Variants in ZNF782 observed in about 807,000 individuals in gnomAD.
The protein encoded by ZNF782 is zinc finger protein 782.
Under a neutral mutation model 13.0 loss-of-function variants are expected in ZNF782, and 12 were observed. The ratio of observed to expected loss-of-function variants is 0.92; its 90% CI spans 0.59 to 1.50. ZNF782 has a LOEUF of 1.50. Among genes scored for constraint, ZNF782 ranks in the 40% most tolerant of loss-of-function variants. The pLI, the probability that ZNF782 is intolerant of heterozygous loss-of-function variation, is 0.00. For missense variants in ZNF782, 770 were observed against 822.9 expected, an observed-to-expected ratio of 0.94 and a Z score of 0.79; for synonymous variants, 284 against 283.0, an observed-to-expected ratio of 1.00 and a Z score of -0.04.
intron 4 of ZNF782, among the ~76,000 whole-genome samples, chr9:96,830,306 C>T (rs922355652): frequency 6.8e-5 from 10 of 147,864 alleles, no homozygotes; most frequent in Non-Finnish European, 1.0e-4. Context: ...ACTGTTCCAC[C>T]AGGGTCATGT....
the ZNF782 span, chr9:96,928,640 G>C: frequency 3.1e-6 from 1 of 325,100 alleles, no homozygotes; most frequent in South Asian, 2.4e-5. Flanking sequence ...ATAAAGAATG[G>C]AAGTAAAGGG....
intron 4 of ZNF782, among the ~76,000 whole-genome samples, chr9:96,843,742 C>T (rs1053599226): frequency 2.6e-5 from 4 of 152,066 alleles, no homozygotes; most frequent in Admixed American, 2.0e-4. Flanking sequence ...AGTGAGGACA[C>T]AATTTTTGCT....
At chr9:96,857,160 T>C (rs1398794874), upstream of ZNF782, among the ~76,000 whole-genome samples, 2 of 152,224 alleles carry the variant, frequency 1.3e-5, no homozygotes, top group Non-Finnish European at 2.9e-5. Flanking sequence ...TGTCAGACAT[T>C]ACATGTGGTA....
chr9:96,819,955 T>A (rs558405951), intron 5 of ZNF782, among the ~76,000 whole-genome samples, 177 bp from the exon 6 acceptor site: 2 of 152,328 alleles, frequency 1.3e-5, no homozygotes, highest in East Asian at 1.9e-4. Context: ...AGCTTAAATT[T>A]TTTTTTGTAG....
chr9:96,895,006 G>C, the ZNF782 span: 1 of 152,200 alleles, frequency 6.6e-6, no homozygotes, highest in African/African-American at 2.4e-5. Flanking sequence ...TTATAGGTGT[G>C]AGCTACCACA....
At chr9:96,849,244 C>G (rs927381996) in intron 3 of ZNF782, among the ~76,000 whole-genome samples, 1 of 152,212 alleles carries the variant, frequency 6.6e-6, no homozygotes, top group African/African-American at 2.4e-5. Flanking sequence ...AAGAAGCACC[C>G]AATCTAGATC....
chr9:96,827,176 A>C lies in ZNF782; in HGVS notation c.148T>G (p.Cys50Gly). The C allele has an allele frequency of 6.2e-7, 1 of 1,607,010 alleles. No homozygotes were observed. Residue 50 changes from cysteine (C) to glycine (G), a missense_variant, in exon 5 of 6, where the codon TGC becomes GGC. Coordinates refer to ENST00000481138, the MANE Select transcript of ZNF782 (RefSeq NM_001001662.3). The part of the protein sequence containing the change: ...NYSHLVSVGY[C>G]FTKPELIFTL... ...AAGATCAGTTCTGGTTTTGTAAAGC[A>C]GTAGCCTATAAATGGGAAACAATTT...
the ZNF782 span, chr9:96,902,779 T>TTTATTATTATTATTA: frequency 3.4e-3 from 468 of 138,794 alleles, 7 homozygotes; most frequent in African/African-American, 0.011. Context: ...GTTCTATCAG[T>TTTATTATTATTATTA]TTATTATTAT....
chr9:96,864,159 C>G (rs1851733667), intron 1 of ZNF782, among the ~76,000 whole-genome samples: 1 of 148,902 alleles, frequency 6.7e-6, no homozygotes, highest in South Asian at 2.1e-4. Flanking sequence ...TTAATTCAAA[C>G]TGAGCAGCTC....
At chr9:96,873,069 A>G (rs1167637206) in intron 1 of ZNF782, among the ~76,000 whole-genome samples, 4 of 145,544 alleles carry the variant, frequency 2.7e-5, no homozygotes, top group African/African-American at 1.1e-4. Flanking sequence ...AATATATCAA[A>G]TCACTGTTAG....
In ZNF782 at chr9:96,818,107, G is replaced by C. The variant is rs1351276023; in HGVS notation, c.1916C>G (p.Thr639Ser). The C allele has an allele frequency of 2.5e-6, 4 of 1,613,684 alleles. No homozygotes were observed. The East Asian group carries it at 8.9e-5, about 36-fold the overall frequency. Residue 639 changes from threonine (T) to serine (S), a missense_variant, in exon 6 of 6, where the codon ACT (threonine) becomes AGT (serine). Physicochemically the swap from Thr to Ser is moderately conservative, Grantham distance 58. Coordinates refer to ENST00000481138, the MANE Select transcript of ZNF782 (RefSeq NM_001001662.3). ...ATTATATGGTTTCTCCCCGGTGTGA[G>C]TTCGCTGATGTTTTCTTAGGACTGA... Reference protein sequence around the residue: ...EKSVLRKHQRTHTGEKPYNCN... With the variant: ...EKSVLRKHQRSHTGEKPYNCN...
upstream of ZNF782, among the ~76,000 whole-genome samples, chr9:96,858,933 G>A (rs935888089): frequency 1.3e-5 from 2 of 152,136 alleles, no homozygotes; most frequent in African/African-American, 4.8e-5. This position sits in a 1 kb window ranked among gnomAD's most constrained non-coding sequence, Gnocchi z 4.4. Context: ...TGTTGTAGCA[G>A]AAAGCAAAAC....
rs769148300 is a variant in ZNF782, at chr9:96,818,878, A to G, written c.1145T>C (p.Ile382Thr). 6.2e-7 allele frequency: 1 copy of G among 1,614,190 alleles called. No individual in the cohort carries two copies. The highest frequency in any genetic ancestry group is 8.5e-7 in the Non-Finnish European group (1 of 1,180,032). Residue 382 changes from isoleucine to threonine, a missense_variant, in exon 6 of 6, where the codon ATT (isoleucine) becomes ACT (threonine). Physicochemically the swap from Ile to Thr is moderately conservative, Grantham distance 89 (BLOSUM62 -1). Coordinates refer to ENST00000481138, the MANE Select transcript of ZNF782 (RefSeq NM_001001662.3). ...CCCTGTGTGACTTTTCTGAGGCCAAATCAAGTGTGAATTCATAGAGCAGGA... is the reference window on the plus strand; with the variant it reads ...CCCTGTGTGACTTTTCTGAGGCCAAGTCAAGTGTGAATTCATAGAGCAGGA... ...GKSCSMNSHL[I>T]WPQKSHTGEK...
upstream of ZNF782, among the ~76,000 whole-genome samples, chr9:96,879,920 G>A (rs991604772): frequency 2.0e-5 from 3 of 152,052 alleles, no homozygotes; most frequent in African/African-American, 7.2e-5. Context: ...AGACAAACAT[G>A]CAATCTGTAA....
chr9:96,835,230 T>C (rs1850954658), intron 4 of ZNF782, among the ~76,000 whole-genome samples: 1 of 152,222 alleles, frequency 6.6e-6, no homozygotes, highest in Admixed American at 6.5e-5. Flanking sequence ...TAACAGCTTA[T>C]GCTGGAGTTA....
chr9:96,930,872 G>GTTTTTTTTTTTTTTTTTTTTTTTTTTT, the ZNF782 span, among the ~76,000 whole-genome samples: 1 of 72,726 alleles, frequency 1.4e-5, no homozygotes, highest in African/African-American at 5.7e-5. Context: ...CCATCCAGTG[G>GTTTTTTTTTTTTTTTTTTTTTTTTTTT]TTTTTTTTTT....
intron 4 of ZNF782, among the ~76,000 whole-genome samples, chr9:96,832,901 AT>A (rs530940541): frequency 5.4e-5 from 8 of 149,440 alleles, no homozygotes; most frequent in African/African-American, 7.3e-5. Context: ...ATTTCTTTGA[AT>A]TTTTTTTTTA....
the ZNF782 span, among the ~76,000 whole-genome samples, chr9:96,916,745 G>C: frequency 2.6e-5 from 4 of 151,102 alleles, no homozygotes; most frequent in African/African-American, 9.7e-5. Flanking sequence ...CTGGTGAAGG[G>C]GGAAGGGAGG....
At chr9:96,915,260 G>C in the ZNF782 span, among the ~76,000 whole-genome samples, 1 of 152,112 alleles carries the variant, frequency 6.6e-6, no homozygotes, top group East Asian at 1.9e-4. Flanking sequence ...TTGGGGTCCT[G>C]TTCACTAGCA....
Sources: allele counts gnomAD v4.1 joint callset (sites outside exome capture counted in the v4.1 genomes callset), GRCh38; gene constraint gnomAD v4.1.1; non-coding constraint Gnocchi (gnomAD v3.1); transcripts MANE v1.5; gene names NCBI Gene and HGNC (gene_info 2026-07-23, HGNC 2026-07-21).